The following ABCD3 variants were observed in gnomAD, a reference collection of about 807,000 sequenced individuals.
The protein encoded by ABCD3 is ATP-binding cassette sub-family D member 3.
ABCD3 carries 41 observed loss-of-function variants against 105.5 expected under a neutral mutation model. The ratio of observed to expected loss-of-function variants is 0.39; its 90% CI spans 0.30 to 0.50. The LOEUF (loss-of-function observed/expected upper bound fraction) is 0.50, where lower values mean the gene tolerates loss of function less well. ABCD3 is among the 20% of genes least tolerant of loss of function. ABCD3 has a pLI of 0.84. For synonymous variants in ABCD3, 258 were observed against 269.0 expected (o/e 0.96, Z 0.40); for missense variants, 622 against 806.3 (o/e 0.77, Z 2.77).
At chr1:94,463,250 C>A (rs756418163) in intron 2 of ABCD3, among the ~76,000 whole-genome samples, 1 of 152,098 alleles carries the variant, frequency 6.6e-6, no homozygotes, top group Non-Finnish European at 1.5e-5. Flanking sequence ...CCAGTTCCTC[C>A]TATTGTAGTC....
chr1:94,448,270 G>T (rs533746309), intron 1 of ABCD3, among the ~76,000 whole-genome samples: 12 of 152,240 alleles, frequency 7.9e-5, no homozygotes, highest in Non-Finnish European at 1.6e-4. Flanking sequence ...TCTCTCTCAT[G>T]AAGGCACAAG....
chr1:94,495,485 T>C (rs1203038798), intron 16 of ABCD3, among the ~76,000 whole-genome samples: 2 of 152,214 alleles, frequency 1.3e-5, no homozygotes, highest in Non-Finnish European at 2.9e-5. Flanking sequence ...TTATCATGGC[T>C]GACGTCATAA....
intron 20 of ABCD3, among the ~76,000 whole-genome samples, chr1:94,499,862 C>G (rs1194047380): frequency 6.6e-6 from 1 of 152,114 alleles, no homozygotes; most frequent in Non-Finnish European, 1.5e-5. Context: ...ACCAATAATC[C>G]ATTTTTCTAA....
At chr1:94,458,685 T>A (rs1454388413) in intron 2 of ABCD3, 42 bp downstream of exon 2, 7 of 1,557,210 alleles carry the variant, frequency 4.5e-6, no homozygotes, top group African/African-American at 1.4e-5. Context: ...TTCATGCATT[T>A]ATTTCATTTA....
intron 1 of ABCD3, among the ~76,000 whole-genome samples, chr1:94,455,955 GATATAC>G (rs774763340): frequency 6.5e-4 from 99 of 151,984 alleles, no homozygotes; most frequent in Non-Finnish European, 1.2e-3. Context: ...TTTTTATGTT[GATATAC>G]ATATACATTG....
In ABCD3 at chr1:94,487,572, C is replaced by T; in HGVS notation, c.928C>T (p.Arg310Trp). 1.2e-6 allele frequency: 2 copies of T among 1,613,590 alleles called. No homozygotes were observed. The highest frequency in any genetic ancestry group is 1.7e-6 in the Non-Finnish European group (2 of 1,179,824). The change falls in exon 11 of 23, where the codon CGG becomes TGG. Residue 310 changes from arginine (R) to tryptophan (W), a missense_variant. By Grantham distance (101) the Arg-to-Trp change is moderately radical. This residue lies in a region of ABCD3 where 245 missense variants were observed against 356.4 expected (regional missense o/e 0.69). Coordinates refer to ENST00000370214, the MANE Select transcript of ABCD3 (RefSeq NM_002858.4). Reference protein sequence around the residue: ...VEHLHNFILFRFSMGFIDSII... With the variant: ...VEHLHNFILFWFSMGFIDSII... Reference sequence around the variant, plus strand: ...ACACCTACATAATTTCATTTTGTTTCGGTTTTCAATGGGCTTCATTGATAG... The same window carrying T: ...ACACCTACATAATTTCATTTTGTTTTGGTTTTCAATGGGCTTCATTGATAG...
At chr1:94,396,763 G>T in the ABCD3 span, among the ~76,000 whole-genome samples, 1 of 152,142 alleles carries the variant, frequency 6.6e-6, no homozygotes, top group African/African-American at 2.4e-5. Context: ...AGGCTTTCCT[G>T]TGGGCCCATG....
At chr1:94,485,689 A>G (rs1458906840) in intron 10 of ABCD3, among the ~76,000 whole-genome samples, 2 of 152,182 alleles carry the variant, frequency 1.3e-5, no homozygotes, top group South Asian at 4.1e-4. Flanking sequence ...TTAAAAGTAT[A>G]TATATATTTG....
chr1:94,404,960 A>G, the ABCD3 span, among the ~76,000 whole-genome samples: 1 of 151,726 alleles, frequency 6.6e-6, no homozygotes, highest in Non-Finnish European at 1.5e-5. Context: ...AAGAAAAAAA[A>G]AAACAAACAG....
At chr1:94,434,363 A>G (rs988851595) in intron 1 of ABCD3, among the ~76,000 whole-genome samples, 1 of 152,118 alleles carries the variant, frequency 6.6e-6, no homozygotes, top group African/African-American at 2.4e-5. Flanking sequence ...TTTAAGTAGG[A>G]GTACACTCTA....
Position 94,517,239 on chromosome 1 carries a change from AC to A in ABCD3, c.*111del, listed in dbSNP as rs1449380527. On this transcript the variant is annotated 3_prime_UTR_variant, in exon 23 of 23. Coordinates refer to ENST00000370214, the MANE Select transcript of ABCD3 (RefSeq NM_002858.4). ...AGCTTAGTTTTTTTTAAAAAAAAAA[AC>A]AAAGCAACAAATTAACTAGATACAG... 10 of 818,476 alleles carry A rather than the reference AC, an allele frequency of 1.2e-5. No individual in the cohort carries two copies. Among genetic ancestry groups the A allele is most frequent in the African/African-American group, 8.7e-5 (5 of 57,702 alleles). The allele number at this position is 818,476 out of a possible 1,614,324, so 50.7% of individuals were successfully genotyped here. A position where few individuals can be genotyped will look rare whatever the true frequency, so the allele number is the denominator to read the frequency against.
At chr1:94,429,211 A>G (rs1659582977) in intron 1 of ABCD3, among the ~76,000 whole-genome samples, 1 of 152,164 alleles carries the variant, frequency 6.6e-6, no homozygotes, top group Admixed American at 6.5e-5. Context: ...CTAAGCAGCA[A>G]AGAATTCAAG....
At chr1:94,456,326 G>A (rs1647563541) in intron 1 of ABCD3, among the ~76,000 whole-genome samples, 1 of 125,392 alleles carries the variant, frequency 8.0e-6, no homozygotes, top group African/African-American at 3.0e-5. Context: ...CCAGGCTGGA[G>A]TGCAGTGGCA....
At chr1:94,414,526 C>G (rs1388266452), upstream of ABCD3, among the ~76,000 whole-genome samples, 1 of 152,106 alleles carries the variant, frequency 6.6e-6, no homozygotes, top group African/African-American at 2.4e-5. Context: ...CACACTGCCA[C>G]TAGCATGATC....
the ABCD3 span, among the ~76,000 whole-genome samples, chr1:94,402,802 T>C: frequency 1.6e-4 from 24 of 152,316 alleles, no homozygotes; most frequent in South Asian, 4.8e-3. Flanking sequence ...TCCTCTCTTT[T>C]TTTTTCTTTT....
intron 1 of ABCD3, among the ~76,000 whole-genome samples, chr1:94,430,582 C>G (rs1007778273): frequency 6.6e-6 from 1 of 152,084 alleles, no homozygotes; most frequent in African/African-American, 2.4e-5. Context: ...TGTCTGCCAC[C>G]CTCCACGTAA....
intron 16 of ABCD3, among the ~76,000 whole-genome samples, chr1:94,498,372 A>G (rs562978425): frequency 6.6e-6 from 1 of 152,228 alleles, no homozygotes; most frequent in South Asian, 2.1e-4. Flanking sequence ...GTACCCAGCA[A>G]TAATAATTTT....
At chr1:94,487,150 C>T (rs771518661) in intron 10 of ABCD3, among the ~76,000 whole-genome samples, 25 of 152,170 alleles carry the variant, frequency 1.6e-4, no homozygotes, top group Non-Finnish European at 2.1e-4. Context: ...AGTGCCAATC[C>T]GGACAGCTAG....
At chr1:94,399,435 C>G in the ABCD3 span, among the ~76,000 whole-genome samples, 1 of 152,212 alleles carries the variant, frequency 6.6e-6, no homozygotes, top group Admixed American at 6.5e-5. Flanking sequence ...CCGGCCCAGT[C>G]TTCAACCTCT....
Sources: allele counts gnomAD v4.1 joint callset (sites outside exome capture counted in the v4.1 genomes callset), GRCh38; gene constraint gnomAD v4.1.1; regional missense constraint gnomAD v4.1.1; transcripts MANE v1.5; gene names NCBI Gene and HGNC (gene_info 2026-07-23, HGNC 2026-07-21).